MLNR: variants seen among roughly 807,000 people sequenced by gnomAD.
The protein encoded by MLNR is motilin receptor.
MLNR carries 16 observed loss-of-function variants against 20.0 expected under a neutral mutation model. The observed-to-expected ratio is 0.80, with a 90% CI of 0.54 to 1.22. The LOEUF (loss-of-function observed/expected upper bound fraction) is 1.22, where lower values mean the gene tolerates loss of function less well. Among genes scored for constraint, MLNR ranks in the 50% most tolerant of loss-of-function variants. MLNR has a pLI of 0.00. For missense variants in MLNR, 630 were observed against 592.3 expected (o/e 1.06, Z -0.66); for synonymous variants, 302 against 287.2 (o/e 1.05, Z -0.52).
Position 49,220,718 on chromosome 13 carries a change from G to A in MLNR, c.381G>A (p.Leu127=). Residue 127 remains leucine, a synonymous_variant, in exon 1 of 2, where the codon CTG becomes CTA. Coordinates refer to ENST00000218721, the MANE Select transcript of MLNR (RefSeq NM_001507.1). The surrounding 1 kb of genome is among the most constrained non-coding windows in gnomAD (Gnocchi z 4.4). Reference sequence around the variant, plus strand: ...AGGGCTGCACCTACGCCACGCTGCTGCACATGACCGCGCTCAGCGTCGAGC... The same window carrying A: ...AGGGCTGCACCTACGCCACGCTGCTACACATGACCGCGCTCAGCGTCGAGC... The part of the protein sequence containing the change: ...VGEGCTYATL[L]HMTALSVERY... 1 of 1,589,334 alleles carries A rather than the reference G, an allele frequency of 6.3e-7. No homozygotes were observed.
intron 1 of MLNR, 84 bp downstream of exon 1, chr13:49,221,322 C>G: frequency 7.1e-7 from 1 of 1,411,250 alleles, no homozygotes; most frequent in Non-Finnish European, 9.6e-7. Context: ...TCCCCTTCCC[C>G]TGCTCGCCCA....
Position 49,221,149 on chromosome 13 carries a change from G to A in MLNR, c.812G>A (p.Gly271Glu). The A allele has an allele frequency of 6.3e-7, 1 of 1,591,304 alleles. No individual in the cohort carries two copies. Among genetic ancestry groups the A allele is most frequent in the Non-Finnish European group, 8.5e-7 (1 of 1,177,022 alleles). ...LCLSILYGLI[G>E]RELWSSRRPL... ...CTCAGCATCCTCTACGGGCTCATCG[G>A]GCGGGAGCTGTGGAGCAGCCGGCGG... The change falls in exon 1 of 2, where the codon GGG (glycine) becomes GAG (glutamate). Residue 271 changes from glycine to glutamate, a missense_variant. Transcript: ENST00000218721.
Sources: gnomAD v4.1 joint callset for allele counts on GRCh38, gnomAD v4.1.1 for gene constraint, Gnocchi (gnomAD v3.1) non-coding constraint, MANE v1.5 for transcripts, NCBI Gene and HGNC (gene_info 2026-07-23, HGNC 2026-07-21) for gene names.